AHI1: variants seen among roughly 807,000 people sequenced by gnomAD.
AHI1 encodes Abelson helper integration site 1, also known as jouberin.
A neutral mutation model predicts 149.3 loss-of-function variants in AHI1; 123 were observed. The observed-to-expected ratio is 0.82, with a 90% CI of 0.71 to 0.96. The LOEUF is 0.96. AHI1 is among the 40% of genes least tolerant of loss of function. AHI1 has a pLI of 0.00. For synonymous variants in AHI1, 475 were observed against 459.8 expected (o/e 1.03, Z -0.42); for missense variants, 1,439 against 1,422.7 (o/e 1.01, Z -0.18).
intron 28 of AHI1, among the ~76,000 whole-genome samples, chr6:135,287,440 A>G (rs890707447): frequency 6.6e-6 from 1 of 152,176 alleles, no homozygotes; most frequent in Non-Finnish European, 1.5e-5. Flanking sequence ...GGTCATGTGC[A>G]CCCTTCGGAC....
At chr6:135,423,383 C>T (rs1209909831) in intron 20 of AHI1, among the ~76,000 whole-genome samples, 3 of 152,072 alleles carry the variant, frequency 2.0e-5, no homozygotes, top group Admixed American at 2.0e-4. Flanking sequence ...AGACATATGG[C>T]ATTCTAAATA....
intron 26 of AHI1, chr6:135,301,460 A>C (rs1783873640): frequency 1.0e-6 from 1 of 985,288 alleles, no homozygotes; most frequent in African/African-American, 1.7e-5. Flanking sequence ...ATCTCTACTG[A>C]AGCTTGTTTG....
In AHI1 at chr6:135,393,852, C is replaced by A. The variant is rs963728184; in HGVS notation, c.3109+924G>T. Among the ~76,000 whole-genome samples, 6 of 151,890 alleles carry A rather than the reference C, an allele frequency of 4.0e-5. 1 individual carries two copies. The highest frequency in any genetic ancestry group is 3.9e-4 in the Admixed American group (6 of 15,236). On this transcript the variant is annotated intron_variant, in intron 23 of 28. Transcript: ENST00000265602. ...CATTTTCAGTTTTCAAATGAAGAGT[C>A]TAAGGTTTGCAGGTAATAAGGGTTA...
At chr6:135,472,538 A>G (rs1791913403) in intron 5 of AHI1, among the ~76,000 whole-genome samples, 1 of 152,190 alleles carries the variant, frequency 6.6e-6, no homozygotes, top group Non-Finnish European at 1.5e-5. Flanking sequence ...TACATGGTAA[A>G]CAGATATTTA....
intron 7 of AHI1, among the ~76,000 whole-genome samples, chr6:135,463,627 C>T (rs1479213682): frequency 6.6e-6 from 1 of 152,040 alleles, no homozygotes; most frequent in Non-Finnish European, 1.5e-5. Flanking sequence ...AGCATGCCCA[C>T]CCTGCTGCCA....
At chr6:135,306,594 T>C (rs1314603410) in intron 26 of AHI1, among the ~76,000 whole-genome samples, 2 of 152,280 alleles carry the variant, frequency 1.3e-5, no homozygotes, top group East Asian at 1.9e-4. Context: ...ACAAATCTCA[T>C]GAAGAGACAG....
chr6:135,364,062 G>A (rs1582832948), intron 23 of AHI1, among the ~76,000 whole-genome samples: 2 of 147,994 alleles, frequency 1.4e-5, no homozygotes, highest in African/African-American at 2.5e-5. Context: ...GGCTGGCCGG[G>A]CGGGGGGCTG....
chr6:135,407,853 A>G (rs1032280267), intron 21 of AHI1, among the ~76,000 whole-genome samples: 1 of 149,192 alleles, frequency 6.7e-6, no homozygotes, highest in Non-Finnish European at 1.5e-5. Flanking sequence ...TCTACTAAAA[A>G]TACAAAAAGC....
chr6:135,468,716 A>G (rs1791213621), intron 5 of AHI1, among the ~76,000 whole-genome samples: 1 of 152,024 alleles, frequency 6.6e-6, no homozygotes, highest in Non-Finnish European at 1.5e-5. Flanking sequence ...GAATACTATA[A>G]ACAACTCTAT....
rs1368856221 is a variant in AHI1, at chr6:135,476,110, T to C, written c.136-8476A>G. On this transcript the variant is annotated intron_variant, in intron 5 of 28. Coordinates refer to ENST00000265602, the MANE Select transcript of AHI1 (RefSeq NM_001134831.2). ...GTAATGCTACAAGTTTCCTTCTAAG[T>C]AATGCTTCAGCAGCATTCCATAAAT... Among the ~76,000 whole-genome samples, 6 of 152,324 alleles carry C rather than the reference T, an allele frequency of 3.9e-5. No individual in the cohort carries two copies. The East Asian group carries it at 1.2e-3, about 29-fold the overall frequency.
At chr6:135,415,742 C>T (rs1782277544) in intron 20 of AHI1, among the ~76,000 whole-genome samples, 1 of 152,162 alleles carries the variant, frequency 6.6e-6, no homozygotes, top group South Asian at 2.1e-4. Flanking sequence ...ATAGCTAAAA[C>T]CTGGTTACAA....
chr6:135,483,996 A>C (rs1794104810), intron 5 of AHI1, among the ~76,000 whole-genome samples: 1 of 152,248 alleles, frequency 6.6e-6, no homozygotes, highest in African/African-American at 2.4e-5. Context: ...TACAAATGAA[A>C]GAGGTTTAAT....
At chr6:135,355,204 C>G (rs1253038936) in intron 24 of AHI1, among the ~76,000 whole-genome samples, 2 of 151,828 alleles carry the variant, frequency 1.3e-5, no homozygotes, top group Non-Finnish European at 2.9e-5. Context: ...ATGAAGAGCT[C>G]AGCATGCCAA....
chr6:135,358,198 A>G lies in AHI1; in HGVS notation c.3110-11T>C. On this transcript the variant is annotated splice_polypyrimidine_tract_variant and intron_variant, in intron 23 of 28. Coordinates refer to ENST00000265602, the MANE Select transcript of AHI1 (RefSeq NM_001134831.2). The stretch of plus-strand genomic sequence containing the variant: ...CTATGCTGATAATCCCTGTGGAAAG[A>G]AAACATTGTGAGTATTTGGTTATTA... The G allele has an allele frequency of 6.2e-7, 1 of 1,609,864 alleles. No homozygotes were observed. The highest frequency in any genetic ancestry group is 8.5e-7 in the Non-Finnish European group (1 of 1,177,978).
intron 22 of AHI1, among the ~76,000 whole-genome samples, chr6:135,398,616 A>G (rs1779588989): frequency 6.6e-6 from 1 of 152,192 alleles, no homozygotes. Context: ...GGCTCAAACC[A>G]ATTATCCAGC....
chr6:135,423,733 A>G (rs1197717581), intron 20 of AHI1, among the ~76,000 whole-genome samples: 2 of 152,138 alleles, frequency 1.3e-5, no homozygotes, highest in Non-Finnish European at 2.9e-5. Context: ...TGTCTTGTCT[A>G]AGATACTATG....
At chr6:135,422,940 C>T (rs1783417538) in intron 20 of AHI1, among the ~76,000 whole-genome samples, 1 of 152,018 alleles carries the variant, frequency 6.6e-6, no homozygotes, top group African/African-American at 2.4e-5. Flanking sequence ...ACTTCATGAT[C>T]AGGAAATGCA....
chr6:135,330,141 A>G (rs1325952580), intron 24 of AHI1, among the ~76,000 whole-genome samples: 2 of 152,252 alleles, frequency 1.3e-5, no homozygotes, highest in Non-Finnish European at 2.9e-5. Flanking sequence ...TTAGTTGATA[A>G]AGCAGCAGCA....
At chr6:135,294,222 A>G (rs1270890632) in intron 27 of AHI1, among the ~76,000 whole-genome samples, 1 of 152,106 alleles carries the variant, frequency 6.6e-6, no homozygotes, top group East Asian at 1.9e-4. Context: ...GCTACTCAGG[A>G]GGCTGAGGCA....
Sources: gnomAD v4.1 joint callset for allele counts (sites outside exome capture counted in the v4.1 genomes callset) on GRCh38, gnomAD v4.1.1 for gene constraint, MANE v1.5 for transcripts, NCBI Gene and HGNC (gene_info 2026-07-23, HGNC 2026-07-21) for gene names.